HSF2BP: variants seen among roughly 807,000 people sequenced by gnomAD.
HSF2BP encodes heat shock factor 2-binding protein.
HSF2BP carries 35 observed loss-of-function variants against 35.0 expected under a neutral mutation model. That is an observed-to-expected ratio of 1.00 (90% CI 0.76 to 1.32). The LOEUF is 1.32. Ranked by LOEUF, HSF2BP falls within the 40% of genes most tolerant of loss-of-function variation. HSF2BP has a pLI of 0.00. For missense variants in HSF2BP, 326 were observed against 321.7 expected, an observed-to-expected ratio of 1.01 and a Z score of -0.10; for synonymous variants, 114 against 117.4, an observed-to-expected ratio of 0.97 and a Z score of 0.18.
At chr21:43,588,161 T>G (rs1226020349) in intron 8 of HSF2BP, among the ~76,000 whole-genome samples, 1 of 152,148 alleles carries the variant, frequency 6.6e-6, no homozygotes, top group Non-Finnish European at 1.5e-5. Context: ...GTGGATCACC[T>G]GAGGTCAGGA....
At chr21:43,649,725 A>G (rs1175916555) in intron 3 of HSF2BP, among the ~76,000 whole-genome samples, 2 of 152,272 alleles carry the variant, frequency 1.3e-5, no homozygotes, top group Non-Finnish European at 2.9e-5. Flanking sequence ...CAAATGCAGC[A>G]TAATGCATGA....
chr21:43,630,898 G>A (rs771235060), intron 5 of HSF2BP, among the ~76,000 whole-genome samples: 2 of 152,080 alleles, frequency 1.3e-5, no homozygotes, highest in African/African-American at 2.4e-5. Flanking sequence ...TCATCACTTG[G>A]CAAAAAGCAT....
intron 8 of HSF2BP, 36 bp downstream of exon 8, chr21:43,592,189 C>T (rs1260973332): frequency 5.7e-6 from 8 of 1,395,738 alleles, no homozygotes; most frequent in Admixed American, 3.4e-5. Context: ...CTGCATAACC[C>T]GTACAAGCAG....
At chr21:43,644,222 A>G (rs2082678127) in intron 4 of HSF2BP, 67 bp downstream of exon 4, 11 of 1,155,398 alleles carry the variant, frequency 9.5e-6, no homozygotes, top group Non-Finnish European at 1.4e-5. Flanking sequence ...ACTGCTTATC[A>G]TAAGTGAAAG....
Position 43,658,116 on chromosome 21 carries a change from C to A in HSF2BP, c.-20G>T. On this transcript the variant is annotated 5_prime_UTR_variant, in exon 2 of 9. Transcript: ENST00000291560. Reference sequence around the variant, plus strand: ...GCCCATGGCCGCTGCCGCCTCCGCTCCGTTCGCCTGAGCGTCGGCGCGCCC... The same window carrying A: ...GCCCATGGCCGCTGCCGCCTCCGCTACGTTCGCCTGAGCGTCGGCGCGCCC... 1 of 1,524,742 alleles carries A rather than the reference C, an allele frequency of 6.6e-7. No individual in the cohort carries two copies. The highest frequency in any genetic ancestry group is 8.8e-7 in the Non-Finnish European group (1 of 1,139,916). 94.5% of individuals were successfully genotyped at this position (1,524,742 alleles called of 1,614,324 possible). A position where few individuals can be genotyped will look rare whatever the true frequency, so the allele number is the denominator to read the frequency against.
intron 7 of HSF2BP, among the ~76,000 whole-genome samples, chr21:43,609,659 G>C (rs960636325): frequency 1.2e-4 from 19 of 152,068 alleles, no homozygotes; most frequent in African/African-American, 4.1e-4. Context: ...GAGGACTCAA[G>C]GGTGGGCGTT....
chr21:43,588,859 C>G (rs2081890881), intron 8 of HSF2BP, among the ~76,000 whole-genome samples: 1 of 152,144 alleles, frequency 6.6e-6, no homozygotes, highest in African/African-American at 2.4e-5. Context: ...GGTCAAGTAT[C>G]CAACCCTGGT....
At chr21:43,637,729 CAGG>C (rs2082583052) in intron 4 of HSF2BP, among the ~76,000 whole-genome samples, 2 of 151,226 alleles carry the variant, frequency 1.3e-5, no homozygotes, top group Admixed American at 6.6e-5. Context: ...CCTTTGGGCC[CAGG>C]AGTTCAAGGC....
At chr21:43,652,400 C>CAAAAAAAAA (rs35714746) in intron 3 of HSF2BP, among the ~76,000 whole-genome samples, 1 of 89,362 alleles carries the variant, frequency 1.1e-5, no homozygotes, top group Non-Finnish European at 2.3e-5. Flanking sequence ...CAGACACCAT[C>CAAAAAAAAA]AAAAAAAAAA....
chr21:43,587,716 A>C (rs2081873048), intron 8 of HSF2BP, among the ~76,000 whole-genome samples: 1 of 151,698 alleles, frequency 6.6e-6, no homozygotes, highest in Admixed American at 6.6e-5. Flanking sequence ...CCCAGAAGCA[A>C]AAAAAAATTG....
intron 4 of HSF2BP, among the ~76,000 whole-genome samples, chr21:43,641,748 G>A (rs1010171886): frequency 6.6e-6 from 1 of 151,770 alleles, no homozygotes; most frequent in African/African-American, 2.4e-5. Flanking sequence ...AGGAGTTCAA[G>A]ACCAGCCTGG....
At chr21:43,645,288 T>G (rs1018459056) in intron 3 of HSF2BP, among the ~76,000 whole-genome samples, 5 of 152,194 alleles carry the variant, frequency 3.3e-5, no homozygotes, top group Non-Finnish European at 5.9e-5. Flanking sequence ...GTCGGCTGGG[T>G]TCCATCCACA....
chr21:43,610,259 A>G (rs1186894742), intron 7 of HSF2BP, among the ~76,000 whole-genome samples: 2 of 152,058 alleles, frequency 1.3e-5, no homozygotes, highest in African/African-American at 4.8e-5. Flanking sequence ...GAAGGGAGAG[A>G]AGGACAAAGA....
At chr21:43,639,955 A>G (rs1029270633) in intron 4 of HSF2BP, among the ~76,000 whole-genome samples, 2 of 152,214 alleles carry the variant, frequency 1.3e-5, no homozygotes, top group Non-Finnish European at 2.9e-5. Flanking sequence ...ACCATGGAAT[A>G]TGAGGCAATA....
At chr21:43,607,755 C>G (rs1298645177) in intron 7 of HSF2BP, among the ~76,000 whole-genome samples, 1 of 152,152 alleles carries the variant, frequency 6.6e-6, no homozygotes, top group Non-Finnish European at 1.5e-5. Context: ...AACACATAGA[C>G]CAATGGAACA....
chr21:43,467,873 A>AACACACC, the HSF2BP span, among the ~76,000 whole-genome samples: 1 of 40,316 alleles, frequency 2.5e-5, no homozygotes, highest in African/African-American at 1.0e-4. Flanking sequence ...ACACACACCA[A>AACACACC]ACACACCACA....
chr21:43,622,894 A>C (rs1405468451), intron 6 of HSF2BP, among the ~76,000 whole-genome samples: 1 of 152,210 alleles, frequency 6.6e-6, no homozygotes. Flanking sequence ...CATATGGAAC[A>C]TTCTCCATTA....
At chr21:43,626,637 A>C (rs770696456) in intron 6 of HSF2BP, among the ~76,000 whole-genome samples, 25 of 152,206 alleles carry the variant, frequency 1.6e-4, no homozygotes, top group Non-Finnish European at 1.9e-4. Flanking sequence ...GTCTCTGCCT[A>C]TATCAGTGAT....
At chr21:43,655,310 C>G (rs1444786340) in intron 3 of HSF2BP, among the ~76,000 whole-genome samples, 1 of 152,158 alleles carries the variant, frequency 6.6e-6, no homozygotes, top group African/African-American at 2.4e-5. Context: ...AAGTCAATGA[C>G]CTGGCATTCT....
Sources: gnomAD v4.1 joint callset for allele counts (sites outside exome capture counted in the v4.1 genomes callset) on GRCh38, gnomAD v4.1.1 for gene constraint, MANE v1.5 for transcripts, NCBI Gene and HGNC (gene_info 2026-07-23, HGNC 2026-07-21) for gene names.